EIF1AX: variants seen among roughly 807,000 people sequenced by gnomAD.
EIF1AX encodes eukaryotic translation initiation factor 1A X-linked, also known as eukaryotic translation initiation factor 1A, X-chromosomal.
EIF1AX carries 1 observed loss-of-function variant against 16.1 expected under a neutral mutation model. The observed-to-expected ratio is 0.06, with a 90% confidence interval of 0.02 to 0.30. EIF1AX has a LOEUF of 0.30. Ranked by LOEUF, EIF1AX falls within the 10% of genes least tolerant of loss-of-function variation. The probability of loss-of-function intolerance (pLI) is 1.00; values close to 1 mark genes in which losing one functional copy is unlikely to be tolerated. For missense variants in EIF1AX, 11 were observed against 109.1 expected (o/e 0.10, Z 4.00); for synonymous variants, 32 against 37.3 (o/e 0.86, Z 0.51).
Position 20,125,721 on chromosome X carries a change from C to T in EIF1AX, c.*2585G>A, listed in dbSNP as rs1244032858. The T allele has an allele frequency of 6.3e-6, 1 of 159,821 alleles. No homozygotes were observed. The highest frequency in any genetic ancestry group is 1.2e-5 in the Non-Finnish European group (1 of 82,258). The allele number at this position is 159,821 out of a possible 1,213,427, so 13.2% of individuals were successfully genotyped here. A position where few individuals can be genotyped will look rare whatever the true frequency, so the allele number is the denominator to read the frequency against. ...CAGTTTATACCTATGGAAGATGTTA[C>T]TGAACATCATAATCTAATATTTACA... On this transcript the variant is annotated 3_prime_UTR_variant, in exon 7 of 7. Coordinates refer to ENST00000379607, the MANE Select transcript of EIF1AX (RefSeq NM_001412.4).
intron 5 of EIF1AX, among the ~76,000 whole-genome samples, chrX:20,131,406 G>A (rs1055308267): frequency 9.0e-6 from 1 of 111,417 alleles, no homozygotes; most frequent in Non-Finnish European, 1.9e-5. Flanking sequence ...GCAGAGGTGG[G>A]TGGATCATCT....
intron 3 of EIF1AX, 132 bp downstream of exon 3, chrX:20,135,606 T>C (rs1232826063): frequency 1.3e-5 from 6 of 451,013 alleles, no homozygotes; most frequent in African/African-American, 7.3e-5. Context: ...ATTTTACTTA[T>C]AGGTAAATCA....
intron 6 of EIF1AX, 82 bp from the exon 7 acceptor site, chrX:20,128,393 C>T: frequency 2.3e-6 from 2 of 851,832 alleles, no homozygotes; most frequent in Non-Finnish European, 3.4e-6. Flanking sequence ...GGGAGACTTT[C>T]ACCTCCTTAG....
intron 6 of EIF1AX, 77 bp downstream of exon 6, chrX:20,130,439 T>G (rs1387588076): frequency 9.7e-7 from 1 of 1,029,185 alleles, no homozygotes; most frequent in African/African-American, 2.0e-5. Flanking sequence ...GTTCTTAAAA[T>G]TAATGGATGT....
At chrX:20,138,404 G>C in intron 2 of EIF1AX, 135 bp downstream of exon 2, 1 of 518,819 alleles carries the variant, frequency 1.9e-6, no homozygotes, top group African/African-American at 2.3e-5. Flanking sequence ...AGGAGGTCAT[G>C]GCTGCAGTGG....
At chrX:20,135,979 A>C in intron 2 of EIF1AX, 138 bp from the exon 3 acceptor site, 1 of 462,952 alleles carries the variant, frequency 2.2e-6, no homozygotes, top group Non-Finnish European at 3.9e-6. Flanking sequence ...ATAAACAAAC[A>C]TAAGGGAGTG....
At chrX:20,130,454 G>A in intron 6 of EIF1AX, 62 bp downstream of exon 6, 1 of 1,091,603 alleles carries the variant, frequency 9.2e-7, no homozygotes, top group South Asian at 2.7e-5. Context: ...GGATGTTAGG[G>A]GAAAGTTGGT....
chrX:20,135,696 C>T, intron 3 of EIF1AX, 42 bp downstream of exon 3: 1 of 1,032,428 alleles, frequency 9.7e-7, no homozygotes. Context: ...GGATTTTCCC[C>T]CTTAACCAAT....
chrX:20,138,854 A>T (rs1317131856), intron 1 of EIF1AX, among the ~76,000 whole-genome samples: 7 of 112,005 alleles, frequency 6.2e-5, no homozygotes, highest in Admixed American at 1.9e-4. Flanking sequence ...TTTTTCTGAC[A>T]TAAAATACAC....
chrX:20,129,189 A>G (rs1261471834), intron 6 of EIF1AX, among the ~76,000 whole-genome samples: 1 of 112,032 alleles, frequency 8.9e-6, no homozygotes, highest in Non-Finnish European at 1.9e-5. Flanking sequence ...TGTCTATAAT[A>G]TTAGTAATTT....
chrX:20,133,790 C>A (rs2067007830), intron 4 of EIF1AX, among the ~76,000 whole-genome samples, 167 bp downstream of exon 4: 1 of 112,076 alleles, frequency 8.9e-6, no homozygotes, highest in African/African-American at 3.2e-5. Context: ...GTGGGATGGG[C>A]ACTTAACTCA....
At chrX:20,135,713 T>A in intron 3 of EIF1AX, 25 bp downstream of exon 3, 2 of 1,112,020 alleles carry the variant, frequency 1.8e-6, no homozygotes, top group South Asian at 1.8e-5. Flanking sequence ...CAATTTTATA[T>A]TAAAGTAAAA....
chrX:20,141,569 G>A (rs1198484860), intron 1 of EIF1AX, 56 bp downstream of exon 1: 16 of 1,135,192 alleles, frequency 1.4e-5, no homozygotes, highest in Non-Finnish European at 1.8e-5. Flanking sequence ...TCTACGGGCA[G>A]GACCTGGGAG....
chrX:20,124,671 T>C lies in EIF1AX; in HGVS notation c.*3635A>G, dbSNP rs984343878. On this transcript the variant is annotated 3_prime_UTR_variant, in exon 7 of 7. Transcript: ENST00000379607. ...CTATAGTAAAAGGAATCACTGAAGA[T>C]TTAAGAATAAAATATTATCAGAGGT... is the stretch of plus-strand genomic sequence containing the variant. 1 of 144,043 alleles carries C rather than the reference T, an allele frequency of 6.9e-6. No homozygotes were observed. Among genetic ancestry groups the C allele is most frequent in the Non-Finnish European group, 1.4e-5 (1 of 72,341 alleles). 11.9% of individuals were successfully genotyped at this position (144,043 alleles called of 1,213,427 possible).
At position 20,132,186 on chromosome X, in the gene EIF1AX, C is replaced by T. The variant is rs1219017302; in HGVS notation, c.333G>A (p.Glu111=). The stretch of plus-strand genomic sequence containing the variant: ...ATACAGTAACTCAGACATTACCATG[C>T]TCTGGAAGCTCGCCGTATGCCTTCA... ...RSLKAYGELP[E]HAKINETDTF... is the part of the protein sequence containing the mutation. The change falls in exon 5 of 7, where the codon GAG becomes GAA. Residue 111 remains glutamate, a synonymous_variant. Transcript: ENST00000379607. 8.4e-7 allele frequency: 1 copy of T among 1,195,716 alleles called. No homozygotes were observed. Among genetic ancestry groups the T allele is most frequent in the Non-Finnish European group, 1.1e-6 (1 of 885,989 alleles).
At chrX:20,132,141 AAATACCATATGACAAGTT>A in intron 5 of EIF1AX, 23 bp downstream of exon 5, 1 of 1,071,512 alleles carries the variant, frequency 9.3e-7, no homozygotes, top group Non-Finnish European at 1.3e-6. Context: ...CACATAACCT[AAATACCATATGACAAGTT>A]AATACAGTAA....
intron 5 of EIF1AX, among the ~76,000 whole-genome samples, chrX:20,130,817 T>C (rs1603414968): frequency 8.9e-6 from 1 of 112,160 alleles, no homozygotes; most frequent in Non-Finnish European, 1.9e-5. Flanking sequence ...AAGGCCCTAA[T>C]TACACTAATT....
chrX:20,136,120 C>T, intron 2 of EIF1AX: 1 of 294,820 alleles, frequency 3.4e-6, no homozygotes, highest in Non-Finnish European at 6.2e-6. Context: ...GTCGTAAAAC[C>T]TTTACATCAT....
chrX:20,138,626 ATGGTTT>A lies in EIF1AX; in HGVS notation c.17-10_17-5del. On this transcript the variant is annotated splice_region_variant and splice_polypyrimidine_tract_variant and intron_variant, in intron 1 of 6. Transcript: ENST00000379607. ...CGTCTGTTTTTACCTCCTTTACCTG[ATGGTTT>A]AAAAAAAAGAAAAGGAGGTAAATGA... The A allele has an allele frequency of 8.7e-7, 1 of 1,144,700 alleles. No homozygotes were observed. The highest frequency in any genetic ancestry group is 1.2e-6 in the Non-Finnish European group (1 of 848,289). The allele number at this position is 1,144,700 out of a possible 1,213,427, so 94.3% of individuals were successfully genotyped here. A position where few individuals can be genotyped will look rare whatever the true frequency, so the allele number is the denominator to read the frequency against.
Sources: gnomAD v4.1 joint callset for allele counts (sites outside exome capture counted in the v4.1 genomes callset) on GRCh38, gnomAD v4.1.1 for gene constraint, MANE v1.5 for transcripts, NCBI Gene and HGNC (gene_info 2026-07-23, HGNC 2026-07-21) for gene names.